PCDHGA1: variants seen among roughly 807,000 people sequenced by gnomAD.
PCDHGA1 encodes the protein protocadherin gamma-A1.
A neutral mutation model predicts 58.0 loss-of-function variants in PCDHGA1; 32 were observed. That is an observed-to-expected ratio of 0.55 (90% CI 0.42 to 0.74). The LOEUF is 0.74. Ranked by LOEUF, PCDHGA1 falls within the 30% of genes least tolerant of loss-of-function variation. PCDHGA1 has a pLI of 0.00. For missense variants in PCDHGA1, 1,205 were observed against 1,182.3 expected (o/e 1.02, Z -0.28); for synonymous variants, 498 against 501.1 (o/e 0.99, Z 0.08).
chr5:141,405,394 C>T, intron 1 of PCDHGA1: 4 of 1,593,132 alleles, frequency 2.5e-6, no homozygotes, highest in Non-Finnish European at 3.4e-6. Context: ...CATTTTTTTT[C>T]TTTCTTTCTT....
intron 1 of PCDHGA1, chr5:141,427,848 C>A: frequency 6.4e-7 from 1 of 1,551,668 alleles, no homozygotes; most frequent in Non-Finnish European, 8.8e-7. Flanking sequence ...CGACCACGAG[C>A]AGCTGTGCGC....
Position 141,485,274 on chromosome 5 carries a change from C to G in PCDHGA1, c.2422-9533C>G. 2 of 1,614,106 alleles carry G rather than the reference C, an allele frequency of 1.2e-6. No homozygotes were observed. Among genetic ancestry groups the G allele is most frequent in the Non-Finnish European group, 1.7e-6 (2 of 1,179,964 alleles). On this transcript the variant is annotated intron_variant, in intron 1 of 3. Transcript: ENST00000517417. The surrounding 1 kb of genome is among the most constrained non-coding windows in gnomAD (Gnocchi z 5.7). ...TACGTTTGTGGGCAGATCCGCTACC[C>G]GGTCCCAGAGGAGTCACAGGAAGGG...
rs554670088 is a variant in PCDHGA1 at position 141,391,069 on chromosome 5, T to C, written c.2421+57964T>C. The C allele has an allele frequency of 4.1e-4, 63 of 152,324 alleles. 1 individual carries two copies. Among genetic ancestry groups the C allele is most frequent in the African/African-American group, 1.4e-3 (59 of 41,576 alleles). The allele number at this position is 152,324 out of a possible 1,614,324, so 9.4% of individuals were successfully genotyped here. A position where few individuals can be genotyped will look rare whatever the true frequency, so the allele number is the denominator to read the frequency against. ...GTCCCTCTCACACACAGCCCTAATA[T>C]ATAATGTGTAACTGCCTTATCTGCA... On this transcript the variant is annotated intron_variant, in intron 1 of 3. Transcript: ENST00000517417.
At chr5:141,372,213 C>A (rs999187008) in intron 1 of PCDHGA1, 1 of 1,613,592 alleles carries the variant, frequency 6.2e-7, no homozygotes, top group Non-Finnish European at 8.5e-7. Flanking sequence ...GCTGTCCTAC[C>A]ACATTGTGCA....
chr5:141,446,251 A>G (rs979768028), intron 1 of PCDHGA1, among the ~76,000 whole-genome samples: 1 of 152,178 alleles, frequency 6.6e-6, no homozygotes, highest in Admixed American at 6.5e-5. Context: ...ATCTTCAGTG[A>G]AATATTATTA....
At chr5:141,479,056 A>G (rs952560687) in intron 1 of PCDHGA1, among the ~76,000 whole-genome samples, 1 of 152,098 alleles carries the variant, frequency 6.6e-6, no homozygotes, top group Admixed American at 6.5e-5. Context: ...TTCTCAGATA[A>G]TTTTTTATGA....
At position 141,360,035 on chromosome 5, in the gene PCDHGA1, G is replaced by A. The variant is rs78319344; in HGVS notation, c.2421+26930G>A. The A allele has an allele frequency of 1.7e-3, 2,428 of 1,406,266 alleles. 36 individuals carry two copies. In the African/African-American group the frequency reaches 0.032, roughly 18 times the overall value. The allele number at this position is 1,406,266 out of a possible 1,614,324, so 87.1% of individuals were successfully genotyped here. On this transcript the variant is annotated intron_variant, in intron 1 of 3. Transcript: ENST00000517417. ...CACAGAGAAGGCCAGTATAGATTCGGAAACAGAAAACAAAAGCAGGAAAAG... is the reference window on the plus strand; with the variant it reads ...CACAGAGAAGGCCAGTATAGATTCGAAAACAGAAAACAAAAGCAGGAAAAG...
intron 1 of PCDHGA1, among the ~76,000 whole-genome samples, chr5:141,349,905 C>T (rs1166811840): frequency 6.6e-6 from 1 of 152,002 alleles, no homozygotes; most frequent in Non-Finnish European, 1.5e-5. Flanking sequence ...AACTAGAAAA[C>T]TGAAATGTAA....
In PCDHGA1 at chr5:141,491,283, C is replaced by G; in HGVS notation, c.2422-3524C>G. ...AAATGCCCAAATCCAGTGACTTCCT[C>G]ATACACCCTCCTGAGCGTTCAGACC... On this transcript the variant is annotated intron_variant, in intron 1 of 3. Coordinates refer to ENST00000517417, the MANE Select transcript of PCDHGA1 (RefSeq NM_018912.3). The surrounding 1 kb of genome is among the most constrained non-coding windows in gnomAD (Gnocchi z 6.9). The G allele has an allele frequency of 1.2e-6, 2 of 1,614,164 alleles. No homozygotes were observed.
chr5:141,414,161 G>A (rs960511656), intron 1 of PCDHGA1: 1 of 1,603,276 alleles, frequency 6.2e-7, no homozygotes, highest in Non-Finnish European at 8.5e-7. Flanking sequence ...GAAGATGGAG[G>A]AGCATATCTT....
At chr5:141,422,187 T>A in intron 1 of PCDHGA1, 1 of 1,561,762 alleles carries the variant, frequency 6.4e-7, no homozygotes, top group South Asian at 1.2e-5. Context: ...AGATGGAAAT[T>A]CAAGGCCAAG....
intron 1 of PCDHGA1, among the ~76,000 whole-genome samples, chr5:141,474,420 T>C (rs1260451051): frequency 2.0e-5 from 3 of 152,226 alleles, no homozygotes; most frequent in Admixed American, 2.0e-4. Flanking sequence ...GCCTAGACCA[T>C]TGGTCCTCAC....
At chr5:141,361,813 C>T in intron 1 of PCDHGA1, 1 of 1,613,122 alleles carries the variant, frequency 6.2e-7, no homozygotes, top group Non-Finnish European at 8.5e-7. Context: ...TGACAATGCG[C>T]CACGGGTGCT....
chr5:141,383,734 T>C (rs1249029357), intron 1 of PCDHGA1: 2 of 1,613,994 alleles, frequency 1.2e-6, no homozygotes, highest in East Asian at 4.5e-5. Context: ...GGAAGTGACA[T>C]ATTCTTTTCG....
chr5:141,459,573 T>TTC (rs2098970689), intron 1 of PCDHGA1, among the ~76,000 whole-genome samples: 1 of 152,208 alleles, frequency 6.6e-6, no homozygotes, highest in Non-Finnish European at 1.5e-5. Context: ...CAAAACAGAA[T>TTC]TGTTTTGGGG....
intron 1 of PCDHGA1, among the ~76,000 whole-genome samples, chr5:141,453,864 G>A (rs758778743): frequency 2.6e-5 from 4 of 152,192 alleles, no homozygotes; most frequent in Non-Finnish European, 5.9e-5. Context: ...GAAAATAACA[G>A]ATGAGCAAAA....
In PCDHGA1 at chr5:141,485,233, C is replaced by T; in HGVS notation, c.2422-9574C>T. 1.2e-6 allele frequency: 2 copies of T among 1,614,182 alleles called. No individual in the cohort carries two copies. The highest frequency in any genetic ancestry group is 1.7e-6 in the Non-Finnish European group (2 of 1,180,030). ...GGCGGTGGGCTACCCTTTTGTTCCTCTTTTACCACCTGGGTTACGTTTGTG... is the reference window on the plus strand; with the variant it reads ...GGCGGTGGGCTACCCTTTTGTTCCTTTTTTACCACCTGGGTTACGTTTGTG... On this transcript the variant is annotated intron_variant, in intron 1 of 3. Transcript: ENST00000517417. This position sits in a 1 kb window ranked among gnomAD's most constrained non-coding sequence, Gnocchi z 5.7.
chr5:141,433,406 TTA>T (rs2097606059), intron 1 of PCDHGA1, among the ~76,000 whole-genome samples: 1 of 149,982 alleles, frequency 6.7e-6, no homozygotes. Flanking sequence ...TATCTATCTA[TTA>T]CTTTCTTGTA....
chr5:141,487,293 C>T lies in PCDHGA1; in HGVS notation c.2422-7514C>T. ...GCAATTTGCTTTGTCTCCTTTGGCT[C>T]ATTCGTGGCACTACTCTCTAAGTGT... is the stretch of plus-strand genomic sequence containing the variant. On this transcript the variant is annotated intron_variant, in intron 1 of 3. Transcript: ENST00000517417. The surrounding 1 kb of genome is among the most constrained non-coding windows in gnomAD (Gnocchi z 5.0). 1 of 1,614,148 alleles carries T rather than the reference C, an allele frequency of 6.2e-7. No individual in the cohort carries two copies. Among genetic ancestry groups the T allele is most frequent in the Non-Finnish European group, 8.5e-7 (1 of 1,180,010 alleles).
Sources: allele counts gnomAD v4.1 joint callset (sites outside exome capture counted in the v4.1 genomes callset), GRCh38; gene constraint gnomAD v4.1.1; non-coding constraint Gnocchi (gnomAD v3.1); transcripts MANE v1.5; gene names NCBI Gene and HGNC (gene_info 2026-07-23, HGNC 2026-07-21).